Variants in HPSE2 observed in about 807,000 individuals in gnomAD.
The protein encoded by HPSE2 is heparanase 2 (inactive).
In HPSE2, 38 loss-of-function variants were observed where a neutral mutation model predicts 60.5. The observed-to-expected ratio is 0.63, with a 90% CI of 0.48 to 0.82. The LOEUF is 0.82. Ranked by LOEUF, HPSE2 falls within the 40% of genes least tolerant of loss-of-function variation. The probability of loss-of-function intolerance (pLI) is 0.00; values close to 1 mark genes in which losing one functional copy is unlikely to be tolerated. For synonymous variants in HPSE2, 295 were observed against 293.2 expected (o/e 1.01, Z -0.06); for missense variants, 713 against 740.4 (o/e 0.96, Z 0.43).
chr10:98,721,561 A>G, intron 5 of HPSE2, 96 bp downstream of exon 5: 1 of 1,093,196 alleles, frequency 9.1e-7, no homozygotes, highest in Non-Finnish European at 1.3e-6. Flanking sequence ...TAAGACCAAA[A>G]TAAATAAATA....
intron 3 of HPSE2, among the ~76,000 whole-genome samples, chr10:98,800,428 C>A: frequency 6.8e-6 from 1 of 146,380 alleles, no homozygotes; most frequent in African/African-American, 2.5e-5. Flanking sequence ...ATATAATATA[C>A]ATAAAATATA....
At chr10:99,058,885 C>T (rs1404970073) in intron 3 of HPSE2, among the ~76,000 whole-genome samples, 1 of 152,046 alleles carries the variant, frequency 6.6e-6, no homozygotes, top group African/African-American at 2.4e-5. Context: ...GTCTGCTACC[C>T]ACCTTTTTGG....
chr10:99,313,209 C>G, the HPSE2 span, among the ~76,000 whole-genome samples: 2 of 152,162 alleles, frequency 1.3e-5, no homozygotes, highest in African/African-American at 2.4e-5. Context: ...ATACAAGATG[C>G]CATTAAGAGC....
intron 7 of HPSE2, 117 bp from the exon 8 acceptor site, chr10:98,620,825 T>C: frequency 2.6e-6 from 2 of 776,262 alleles, no homozygotes; most frequent in Non-Finnish European, 4.4e-6. Context: ...CAGGGGGTCA[T>C]GATTTGTGCT....
intron 9 of HPSE2, among the ~76,000 whole-genome samples, chr10:98,543,491 A>G (rs1015428210): frequency 6.6e-6 from 1 of 152,210 alleles, no homozygotes; most frequent in African/African-American, 2.4e-5. Flanking sequence ...TTAACTTTAA[A>G]TGTAAATGGA....
chr10:98,637,734 C>G (rs1179580824), intron 7 of HPSE2, among the ~76,000 whole-genome samples: 5 of 152,196 alleles, frequency 3.3e-5, no homozygotes, highest in Admixed American at 6.5e-5. Context: ...TGCCCCTTTT[C>G]TACCACTGTG....
intron 3 of HPSE2, among the ~76,000 whole-genome samples, chr10:98,778,561 A>G (rs1950398262): frequency 6.6e-6 from 1 of 152,142 alleles, no homozygotes; most frequent in Non-Finnish European, 1.5e-5. Flanking sequence ...GATCAACCAC[A>G]CTGAGAAACT....
chr10:98,547,775 T>C (rs1943736038), intron 9 of HPSE2, among the ~76,000 whole-genome samples: 1 of 151,614 alleles, frequency 6.6e-6, no homozygotes, highest in Non-Finnish European at 1.5e-5. Context: ...CTGCACATTG[T>C]GCACATGTAC....
intron 9 of HPSE2, among the ~76,000 whole-genome samples, chr10:98,532,134 G>A (rs1342253813): frequency 2.0e-5 from 3 of 152,154 alleles, no homozygotes; most frequent in African/African-American, 7.2e-5. Flanking sequence ...TGTTTAACAT[G>A]ACAGACCCCT....
chr10:99,208,437 C>T (rs907233609), intron 2 of HPSE2, among the ~76,000 whole-genome samples: 5 of 152,120 alleles, frequency 3.3e-5, no homozygotes, highest in African/African-American at 9.7e-5. Context: ...GTAATTCCAG[C>T]ACTTTGGGAG....
intron 3 of HPSE2, among the ~76,000 whole-genome samples, chr10:98,865,675 T>C (rs1042400485): frequency 2.0e-5 from 3 of 152,078 alleles, no homozygotes; most frequent in Non-Finnish European, 4.4e-5. Flanking sequence ...AATAAGCACA[T>C]GAGTATGAAG....
At chr10:98,581,892 A>G (rs1944808616) in intron 9 of HPSE2, among the ~76,000 whole-genome samples, 1 of 152,182 alleles carries the variant, frequency 6.6e-6, no homozygotes, top group Non-Finnish European at 1.5e-5. Flanking sequence ...TTAATAATTT[A>G]TCCTTTAGTA....
intron 9 of HPSE2, 96 bp downstream of exon 9, chr10:98,614,808 G>A: frequency 1.1e-6 from 1 of 877,484 alleles, no homozygotes; most frequent in Non-Finnish European, 2.0e-6. Context: ...ACTGGTAACA[G>A]CAAGAGGAAA....
At chr10:98,501,021 A>C (rs1179222599) in intron 9 of HPSE2, among the ~76,000 whole-genome samples, 1 of 152,066 alleles carries the variant, frequency 6.6e-6, no homozygotes, top group Non-Finnish European at 1.5e-5. Context: ...TGAAGAGACC[A>C]ATAACAAGCA....
At chr10:98,506,615 C>A (rs995739549) in intron 9 of HPSE2, among the ~76,000 whole-genome samples, 11 of 152,068 alleles carry the variant, frequency 7.2e-5, no homozygotes, top group African/African-American at 2.7e-4. Flanking sequence ...CACCACTATA[C>A]CCAGCTAACT....
chr10:98,976,809 A>T (rs1041043640), intron 3 of HPSE2, among the ~76,000 whole-genome samples: 1 of 152,214 alleles, frequency 6.6e-6, no homozygotes, highest in Non-Finnish European at 1.5e-5. Context: ...TATTTGGAAA[A>T]AATGGGCTTT....
intron 3 of HPSE2, among the ~76,000 whole-genome samples, chr10:98,804,408 T>C (rs1430259721): frequency 6.6e-6 from 1 of 151,980 alleles, no homozygotes; most frequent in Admixed American, 6.6e-5. Flanking sequence ...AACCAAACTA[T>C]ATAAGGAACC....
intron 3 of HPSE2, among the ~76,000 whole-genome samples, chr10:98,771,660 C>A (rs967195633): frequency 1.3e-5 from 2 of 152,126 alleles, no homozygotes; most frequent in African/African-American, 4.8e-5. Context: ...TTTGAAAGAG[C>A]TTGATCAAGG....
intron 3 of HPSE2, among the ~76,000 whole-genome samples, chr10:98,884,902 G>T (rs568428278): frequency 4.6e-5 from 7 of 152,158 alleles, no homozygotes; most frequent in Non-Finnish European, 1.0e-4. Context: ...GAAGCCCATG[G>T]ATCAAGGAGT....
Sources: allele counts gnomAD v4.1 joint callset (sites outside exome capture counted in the v4.1 genomes callset), GRCh38; gene constraint gnomAD v4.1.1; transcripts MANE v1.5; gene names NCBI Gene and HGNC (gene_info 2026-07-23, HGNC 2026-07-21).